MIA: variants seen among roughly 807,000 people sequenced by gnomAD.
MIA encodes the protein MIA SH3 domain containing, also known as melanoma-derived growth regulatory protein.
MIA carries 18 observed loss-of-function variants against 18.5 expected under a neutral mutation model. That is an observed-to-expected ratio of 0.97 (90% CI 0.67 to 1.44). The LOEUF (loss-of-function observed/expected upper bound fraction) is 1.44, where lower values mean the gene tolerates loss of function less well. Among genes scored for constraint, MIA ranks in the 40% most tolerant of loss-of-function variants. The pLI, the probability that MIA is intolerant of heterozygous loss-of-function variation, is 0.00. For synonymous variants in MIA, 55 were observed against 64.9 expected (o/e 0.85, Z 0.74); for missense variants, 158 against 172.4 (o/e 0.92, Z 0.47).
chr19:40,775,886 G>C lies in MIA; in HGVS notation c.261+1G>C. 6.2e-7 allele frequency: 1 copy of C among 1,613,972 alleles called. No homozygotes were observed. The highest frequency in any genetic ancestry group is 1.1e-5 in the South Asian group (1 of 91,070). The stretch of plus-strand genomic sequence containing the variant: ...TGGGCGGCTCTTCTGGGGAGGCAGC[G>C]TGAGTCTTGGGAGAGTGAAAGAGGG... On this transcript the variant is annotated splice_donor_variant, in intron 2 of 3. Transcript: ENST00000263369. LOFTEE classifies it high-confidence loss of function.
Position 40,775,815 on chromosome 19 carries a change from T to A in MIA, c.191T>A (p.Ile64Asn). 1 of 1,614,084 alleles carries A rather than the reference T, an allele frequency of 6.2e-7. No homozygotes were observed. The highest frequency in any genetic ancestry group is 8.5e-7 in the Non-Finnish European group (1 of 1,180,012). ...YMAPDCRFLT[I>N]HRGQVVYVFS... ...GCCCCCGACTGCCGATTCCTGACCA[T>A]TCACCGGGGCCAAGTGGTGTATGTC... The change falls in exon 2 of 4, where the codon ATT becomes AAT. Residue 64 changes from isoleucine (I) to asparagine (N), a missense_variant. Physicochemically the swap from Ile to Asn is moderately radical, Grantham distance 149 (BLOSUM62 -3). Transcript: ENST00000263369.
At chr19:40,775,946 ATGAAG>A in intron 2 of MIA, 61 bp downstream of exon 2, 2 of 1,574,238 alleles carry the variant, frequency 1.3e-6, no homozygotes, top group Middle Eastern at 1.7e-4. Flanking sequence ...CATTATCCCC[ATGAAG>A]GGAAGATTTG....
In MIA at chr19:40,775,531, T is replaced by G. The variant is rs148573791; in HGVS notation, c.-12T>G. 3,068 of 1,614,008 alleles carry G rather than the reference T, an allele frequency of 1.9e-3. 7 individuals are homozygous for G. Among genetic ancestry groups the G allele is most frequent in the Non-Finnish European group, 2.3e-3 (2,716 of 1,180,018 alleles). On this transcript the variant is annotated 5_prime_UTR_variant, in exon 1 of 4. Coordinates refer to ENST00000263369, the MANE Select transcript of MIA (RefSeq NM_006533.4). ...AGCACCCCCTTGCTCACTCTCTTGC[T>G]CACAGTCCACGATGGCCCGGTCCCT... is the stretch of plus-strand genomic sequence containing the variant.
chr19:40,775,394 A>T, upstream of MIA: 1 of 1,222,624 alleles, frequency 8.2e-7, no homozygotes, highest in South Asian at 1.4e-5. Flanking sequence ...TTTCATAGCA[A>T]CTTCTAGGTG....
Position 40,775,525 on chromosome 19 carries a change from T to C in MIA, c.-18T>C. 6.2e-7 allele frequency: 1 copy of C among 1,613,912 alleles called. No individual in the cohort carries two copies. Among genetic ancestry groups the C allele is most frequent in the African/African-American group, 1.3e-5 (1 of 75,036 alleles). Reference sequence around the variant, plus strand: ...GACCCCAGCACCCCCTTGCTCACTCTCTTGCTCACAGTCCACGATGGCCCG... The same window carrying C: ...GACCCCAGCACCCCCTTGCTCACTCCCTTGCTCACAGTCCACGATGGCCCG... On this transcript the variant is annotated 5_prime_UTR_variant, in exon 1 of 4. Coordinates refer to ENST00000263369, the MANE Select transcript of MIA (RefSeq NM_006533.4).
chr19:40,777,271 C>A, intron 3 of MIA, 126 bp from the exon 4 acceptor site: 1 of 1,214,902 alleles, frequency 8.2e-7, no homozygotes, highest in Non-Finnish European at 1.2e-6. Context: ...GGGCTCTAGG[C>A]TAATTTGCAT....
Position 40,775,625 on chromosome 19 carries a change from C to G in MIA, c.83C>G (p.Pro28Arg). 6.2e-7 allele frequency: 1 copy of G among 1,614,114 alleles called. No homozygotes were observed. The highest frequency in any genetic ancestry group is 8.5e-7 in the Non-Finnish European group (1 of 1,180,032). The change falls in exon 1 of 4, where the codon CCC (proline) becomes CGC (arginine). Residue 28 changes from proline (P) to arginine (R), a missense_variant. Coordinates refer to ENST00000263369, the MANE Select transcript of MIA (RefSeq NM_006533.4). ...CCTGGTGTCAGGGGTGGTCCTATGC[C>G]CAAGCTGGCTGACCGGAAGCTGTGT... ...SGPGVRGGPM[P>R]KLADRKLCAD...
At position 40,775,902 on chromosome 19, in the gene MIA, T is replaced by G. The variant is rs776088164; in HGVS notation, c.261+17T>G. ...GGAGGCAGCGTGAGTCTTGGGAGAG[T>G]GAAAGAGGGAAGGGTACAGAGCTGG... On this transcript the variant is annotated intron_variant, in intron 2 of 3. Transcript: ENST00000263369. 35 of 1,611,022 alleles carry G rather than the reference T, an allele frequency of 2.2e-5. No homozygotes were observed. Among genetic ancestry groups the G allele is most frequent in the Non-Finnish European group, 2.9e-5 (34 of 1,179,154 alleles).
rs772655092 is a variant in MIA at position 40,775,874 on chromosome 19, T to TG, written c.254dup (p.Gly86ArgfsTer21). 5 of 1,613,782 alleles carry TG rather than the reference T, an allele frequency of 3.1e-6. No homozygotes were observed. Among genetic ancestry groups the TG allele is most frequent in the East Asian group, 4.5e-5 (2 of 44,866 alleles). On this transcript the variant is annotated frameshift_variant, in exon 2 of 4. Transcript: ENST00000263369. LOFTEE classifies it high-confidence loss of function. ...GCTGAAGGGCCGTGGGCGGCTCTTCTGGGGAGGCAGCGTGAGTCTTGGGAG... is the reference window on the plus strand; with the variant it reads ...GCTGAAGGGCCGTGGGCGGCTCTTCTGGGGGAGGCAGCGTGAGTCTTGGGAG...
At position 40,775,817 on chromosome 19, in the gene MIA, C is replaced by T. The variant is rs761466075; in HGVS notation, c.193C>T (p.His65Tyr). The T allele has an allele frequency of 6.2e-7, 1 of 1,614,108 alleles. No individual in the cohort carries two copies. The highest frequency in any genetic ancestry group is 1.7e-5 in the Admixed American group (1 of 60,004). Residue 65 changes from histidine (H) to tyrosine (Y), a missense_variant, in exon 2 of 4, where the codon CAC (histidine) becomes TAC (tyrosine). By Grantham distance (83) the His-to-Tyr change is moderately conservative. Coordinates refer to ENST00000263369, the MANE Select transcript of MIA (RefSeq NM_006533.4). Reference protein sequence around the residue: ...MAPDCRFLTIHRGQVVYVFSK... With the variant: ...MAPDCRFLTIYRGQVVYVFSK... Reference sequence around the variant, plus strand: ...CCCCGACTGCCGATTCCTGACCATTCACCGGGGCCAAGTGGTGTATGTCTT... The same window carrying T: ...CCCCGACTGCCGATTCCTGACCATTTACCGGGGCCAAGTGGTGTATGTCTT...
At chr19:40,776,003 A>G in intron 2 of MIA, 118 bp downstream of exon 2, 1 of 1,334,408 alleles carries the variant, frequency 7.5e-7, no homozygotes, top group Admixed American at 2.5e-5. Context: ...GGATATTGTT[A>G]CTTACTTTAT....
intron 2 of MIA, 92 bp downstream of exon 2, chr19:40,775,977 A>C (rs1407871791): frequency 6.8e-7 from 1 of 1,470,848 alleles, no homozygotes; most frequent in Non-Finnish European, 9.3e-7. Context: ...GGTGAACTGA[A>C]ATAGACATTG....
In MIA at chr19:40,777,372, A is replaced by T. The variant is rs116382476; in HGVS notation, c.373-25A>T. 1,829 of 1,613,312 alleles carry T rather than the reference A, an allele frequency of 1.1e-3. 28 individuals carry two copies. The African/African-American group carries it at 0.022, about 20-fold the overall frequency. ...TGGTGTGACCGCTGGTTTTCTTTCC[A>T]CTGTTTCCCCTTTCTCTTTTTCAGA... On this transcript the variant is annotated intron_variant, in intron 3 of 3. Coordinates refer to ENST00000263369, the MANE Select transcript of MIA (RefSeq NM_006533.4).
chr19:40,777,479 G>C lies in MIA; in HGVS notation c.*59G>C. 5 of 1,423,446 alleles carry C rather than the reference G, an allele frequency of 3.5e-6. 1 individual carries two copies. The South Asian group carries it at 5.7e-5, about 16-fold the overall frequency. 88.2% of individuals were successfully genotyped at this position (1,423,446 alleles called of 1,614,324 possible). On this transcript the variant is annotated 3_prime_UTR_variant, in exon 4 of 4. Transcript: ENST00000263369. ...CCTTGGCTTTATGCAAATACAATCA[G>C]CCCAGTGCAAACGGCTCGTCTCCGT... is the stretch of plus-strand genomic sequence containing the variant.
chr19:40,777,073 G>A lies in MIA; in HGVS notation c.366G>A (p.Lys122=), dbSNP rs2083002258. ...TGAAACCTGGCAAAGTCGATGTGAA[G>A]ACAGACGTGAGTGTCATGGGGGCTG... ...QTLKPGKVDV[K]TDKWDFYCQ is the part of the protein sequence containing the mutation. The change falls in exon 3 of 4, where the codon AAG becomes AAA. Residue 122 remains lysine, a synonymous_variant. Transcript: ENST00000263369. The A allele has an allele frequency of 6.2e-7, 1 of 1,611,830 alleles. No individual in the cohort carries two copies.
At chr19:40,777,326 C>A in intron 3 of MIA, 71 bp from the exon 4 acceptor site, 1 of 1,574,906 alleles carries the variant, frequency 6.3e-7, no homozygotes, top group Non-Finnish European at 8.7e-7. Flanking sequence ...GCAGCCTTTG[C>A]TAAAACCACT....
intron 2 of MIA, among the ~76,000 whole-genome samples, chr19:40,776,428 G>A (rs1166723434): frequency 2.0e-5 from 3 of 151,954 alleles, no homozygotes; most frequent in East Asian, 1.9e-4. Flanking sequence ...CTAATGGAGG[G>A]AAATGAACAA....
Position 40,775,554 on chromosome 19 carries a change from C to T in MIA, c.12C>T (p.Ser4=). ...GCTCACAGTCCACGATGGCCCGGTC[C>T]CTGGTGTGCCTTGGTGTCATCATCT... MAR[S]LVCLGVIILL... Residue 4 remains serine (S), a synonymous_variant, in exon 1 of 4, where the codon TCC becomes TCT. Transcript: ENST00000263369. The T allele has an allele frequency of 6.2e-7, 1 of 1,614,132 alleles. No homozygotes were observed. Among genetic ancestry groups the T allele is most frequent in the Non-Finnish European group, 8.5e-7 (1 of 1,180,022 alleles).
At chr19:40,777,124 T>C (rs56303443) in intron 3 of MIA, 45 bp downstream of exon 3, 1 of 1,545,566 alleles carries the variant, frequency 6.5e-7, no homozygotes, top group African/African-American at 1.4e-5. Context: ...GGAGGACCCT[T>C]AGGTTGTGGG....
Sources: gnomAD v4.1 joint callset for allele counts (sites outside exome capture counted in the v4.1 genomes callset) on GRCh38, gnomAD v4.1.1 for gene constraint, MANE v1.5 for transcripts, NCBI Gene and HGNC (gene_info 2026-07-23, HGNC 2026-07-21) for gene names.